The following TSPAN16 variants were observed in gnomAD, a reference collection of about 807,000 sequenced individuals.
TSPAN16 encodes tetraspanin-16.
TSPAN16 carries 23 observed loss-of-function variants against 25.2 expected under a neutral mutation model. The ratio of observed to expected loss-of-function variants is 0.91; its 90% CI spans 0.66 to 1.29. The LOEUF is 1.29. TSPAN16 is among the 50% of genes most tolerant of loss of function. The pLI is 0.00. For synonymous variants in TSPAN16, 123 were observed against 124.4 expected (o/e 0.99, Z 0.08); for missense variants, 272 against 299.9 (o/e 0.91, Z 0.69).
chr19:11,310,353 A>G (rs1011975497), intron 5 of TSPAN16, among the ~76,000 whole-genome samples: 1 of 151,874 alleles, frequency 6.6e-6, no homozygotes, highest in African/African-American at 2.4e-5. Context: ...CATCTCTACT[A>G]AAAATACAAA....
At position 11,312,150 on chromosome 19, in the gene TSPAN16, TA is replaced by T; in HGVS notation, c.618del (p.Lys206AsnfsTer3). The stretch of plus-strand genomic sequence containing the variant: ...GTTTGTTTCCTCAGGGCTGTTTCCA[TA>T]AACTCCTAAAAATCACCAAGACTCA... ...NVIHQKGCFH[K>X]LLKITKTQSF... On this transcript the variant is annotated frameshift_variant, in exon 6 of 7. Transcript: ENST00000590327. LOFTEE classifies it high-confidence loss of function. 6.2e-7 allele frequency: 1 copy of T among 1,611,514 alleles called. No individual in the cohort carries two copies. The highest frequency in any genetic ancestry group is 8.5e-7 in the Non-Finnish European group (1 of 1,179,518).
intron 6 of TSPAN16, among the ~76,000 whole-genome samples, chr19:11,313,295 C>T (rs745420302): frequency 9.9e-5 from 15 of 152,114 alleles, no homozygotes; most frequent in Non-Finnish European, 1.8e-4. Flanking sequence ...AGGCGGCTCA[C>T]GAGGTGAAGA....
At chr19:11,311,298 C>G (rs1286133887) in intron 5 of TSPAN16, among the ~76,000 whole-genome samples, 4 of 152,136 alleles carry the variant, frequency 2.6e-5, no homozygotes, top group African/African-American at 9.7e-5. Flanking sequence ...CCATGCCTGG[C>G]TATATTTTTG....
intron 6 of TSPAN16, among the ~76,000 whole-genome samples, chr19:11,312,967 A>G (rs563630993): frequency 6.6e-6 from 1 of 152,280 alleles, no homozygotes; most frequent in African/African-American, 2.4e-5. Flanking sequence ...ATAAACATAA[A>G]CTACCAAAAC....
Position 11,306,761 on chromosome 19 carries a change from CTG to C in TSPAN16, c.603+6_603+7del. The C allele has an allele frequency of 6.2e-7, 1 of 1,612,858 alleles. No homozygotes were observed. The highest frequency in any genetic ancestry group is 8.5e-7 in the Non-Finnish European group (1 of 1,179,100). ...CCAAACGTCATCCACCAGAAGGTAACTGGAGATTTTGTGTGTTGCCTTGACAG... is the reference window on the plus strand; with the variant it reads ...CCAAACGTCATCCACCAGAAGGTAACGAGATTTTGTGTGTTGCCTTGACAG... On this transcript the variant is annotated splice_donor_region_variant and intron_variant, in intron 5 of 6. Coordinates refer to ENST00000590327, the MANE Select transcript of TSPAN16 (RefSeq NM_001282509.2).
intron 2 of TSPAN16, among the ~76,000 whole-genome samples, chr19:11,298,589 A>G (rs960243898): frequency 3.9e-5 from 6 of 151,924 alleles, no homozygotes; most frequent in Middle Eastern, 3.2e-3. Context: ...CACCCCTACC[A>G]TGCCCTGCTA....
At chr19:11,303,577 TAAA>T (rs1322861353) in intron 4 of TSPAN16, among the ~76,000 whole-genome samples, 2 of 78,306 alleles carry the variant, frequency 2.6e-5, no homozygotes, top group African/African-American at 9.3e-5. Flanking sequence ...ATAAATAAAT[TAAA>T]AAAAAAAAAA....
At chr19:11,298,433 C>A in intron 2 of TSPAN16, 94 bp downstream of exon 2, 1 of 1,237,062 alleles carries the variant, frequency 8.1e-7, no homozygotes, top group Non-Finnish European at 1.1e-6. Context: ...TTGGTGTCAC[C>A]TATTTTTTTT....
chr19:11,304,467 C>G (rs919727951), intron 4 of TSPAN16, among the ~76,000 whole-genome samples: 1 of 151,180 alleles, frequency 6.6e-6, no homozygotes, highest in Non-Finnish European at 1.5e-5. Context: ...CTCAGCCTCC[C>G]GAGTAGCTGG....
chr19:11,313,840 C>G (rs1458380921), intron 6 of TSPAN16, among the ~76,000 whole-genome samples: 1 of 152,154 alleles, frequency 6.6e-6, no homozygotes, highest in Admixed American at 6.5e-5. Context: ...TTTGTCCCAG[C>G]AACTTCTCTC....
Position 11,296,357 on chromosome 19 carries a change from C to A in TSPAN16, c.60C>A (p.Gly20=). ...AGAAACTGTTATCTTTACTCAATGG[C>A]TTCGTGGCTGTAAGTATGTCACAAT... The part of the protein sequence containing the change: ...SLKKLLSLLN[G]FVAVSGIILV... Residue 20 remains glycine, a synonymous_variant, in exon 1 of 7, where the codon GGC becomes GGA. Coordinates refer to ENST00000590327, the MANE Select transcript of TSPAN16 (RefSeq NM_001282509.2). 1 of 1,614,164 alleles carries A rather than the reference C, an allele frequency of 6.2e-7. No individual in the cohort carries two copies.
At chr19:11,315,630 C>G (rs2080741560) in intron 6 of TSPAN16, among the ~76,000 whole-genome samples, 161 bp from the exon 7 acceptor site, 1 of 152,084 alleles carries the variant, frequency 6.6e-6, no homozygotes, top group African/African-American at 2.4e-5. Flanking sequence ...ACTGTAACCA[C>G]AGTGGCTCCA....
rs1555705582 is a variant in TSPAN16 at position 11,315,234 on chromosome 19, T to TTAA, written c.688-557_688-556insTAA. Among the ~76,000 whole-genome samples the TTAA allele has an allele frequency of 3.1e-3, 283 of 91,210 alleles. 1 individual carries two copies. Among genetic ancestry groups the TTAA allele is most frequent in the Non-Finnish European group, 4.2e-3 (204 of 49,056 alleles). 59.8% of individuals were successfully genotyped at this position (91,210 alleles called of 152,430 possible). ...CTGGGCAACAGAGTGAGACTCCTTCTCAATAATAATAATAATAATAATAAT... is the reference window on the plus strand; with the variant it reads ...CTGGGCAACAGAGTGAGACTCCTTCTTAACAATAATAATAATAATAATAATAAT... On this transcript the variant is annotated intron_variant, in intron 6 of 6. Transcript: ENST00000590327.
intron 4 of TSPAN16, among the ~76,000 whole-genome samples, chr19:11,302,663 A>ATATATATTT (rs1555703588): frequency 2.8e-5 from 3 of 105,800 alleles, no homozygotes; most frequent in African/African-American, 1.5e-4. Context: ...ACACATACAT[A>ATATATATTT]TATATATATA....
chr19:11,314,522 A>G (rs986585205), intron 6 of TSPAN16, among the ~76,000 whole-genome samples: 4 of 151,998 alleles, frequency 2.6e-5, no homozygotes, highest in Admixed American at 2.6e-4. Context: ...CTTTGGGGTA[A>G]TTTTTTTCAT....
intron 3 of TSPAN16, among the ~76,000 whole-genome samples, chr19:11,299,448 A>C (rs2080518396): frequency 6.6e-6 from 1 of 152,144 alleles, no homozygotes; most frequent in Non-Finnish European, 1.5e-5. Context: ...AAACCTGCTG[A>C]GTTCATTTAG....
chr19:11,299,996 A>AAAAAG (rs907198711), intron 3 of TSPAN16, among the ~76,000 whole-genome samples: 2 of 151,772 alleles, frequency 1.3e-5, no homozygotes, highest in Admixed American at 6.6e-5. Flanking sequence ...AAAAAAAAAA[A>AAAAAG]AAAAGAAAAG....
At chr19:11,326,949 G>A in exon 7 of TSPAN16, 1 of 502,552 alleles carries the variant, frequency 2.0e-6, no homozygotes, top group Non-Finnish European at 3.5e-6. Context: ...CTGCCTGAGA[G>A]GAGCTGTCCC....
intron 2 of TSPAN16, 91 bp downstream of exon 2, chr19:11,298,430 C>T (rs2080504428): frequency 7.8e-7 from 1 of 1,273,894 alleles, no homozygotes; most frequent in African/African-American, 1.9e-5. Flanking sequence ...TGCTTGGTGT[C>T]ACCTATTTTT....
Sources: allele counts gnomAD v4.1 joint callset (sites outside exome capture counted in the v4.1 genomes callset), GRCh38; gene constraint gnomAD v4.1.1; transcripts MANE v1.5; gene names NCBI Gene and HGNC (gene_info 2026-07-23, HGNC 2026-07-21).